Variants in RORA observed in about 807,000 individuals in gnomAD.
The protein encoded by RORA is RAR related orphan receptor A.
In RORA, 7 loss-of-function variants were observed where a neutral mutation model predicts 69.5. That is an observed-to-expected ratio of 0.10 (90% CI 0.06 to 0.19). The LOEUF (loss-of-function observed/expected upper bound fraction) is 0.19, where lower values mean the gene tolerates loss of function less well. Ranked by LOEUF, RORA falls within the 10% of genes least tolerant of loss-of-function variation. The pLI, the probability that RORA is intolerant of heterozygous loss-of-function variation, is 1.00. For synonymous variants in RORA, 261 were observed against 240.8 expected (o/e 1.08, Z -0.78); for missense variants, 457 against 663.0 (o/e 0.69, Z 3.41).
rs923781891 is a variant in RORA, at chr15:60,493,159, C to T, written c.*4296G>A. 9 of 152,030 alleles carry T rather than the reference C, an allele frequency of 5.9e-5. No homozygotes were observed. The highest frequency in any genetic ancestry group is 1.9e-4 in the African/African-American group (8 of 41,394). The allele number at this position is 152,030 out of a possible 1,614,324, so 9.4% of individuals were successfully genotyped here. On this transcript the variant is annotated 3_prime_UTR_variant, in exon 11 of 11. Transcript: ENST00000335670. The stretch of plus-strand genomic sequence containing the variant: ...TCAGAAAATAACTTTTTATTATTAT[C>T]TTAAAATAATAGCATTGGAAGGACA...
At chr15:60,646,897 G>A (rs1468810747) in intron 2 of RORA, among the ~76,000 whole-genome samples, 2 of 152,156 alleles carry the variant, frequency 1.3e-5, no homozygotes, top group African/African-American at 4.8e-5. Context: ...GGGTGGCTGC[G>A]GAGCTTAATT....
chr15:60,790,837 T>G (rs341443), intron 1 of RORA, among the ~76,000 whole-genome samples: 148 of 152,284 alleles, frequency 9.7e-4, no homozygotes, highest in African/African-American at 3.5e-3. Context: ...AATTTCACAA[T>G]TATGCATGCT....
intron 3 of RORA, 99 bp from the exon 4 acceptor site, chr15:60,514,856 T>C: frequency 2.3e-6 from 2 of 857,310 alleles, no homozygotes; most frequent in Non-Finnish European, 3.6e-6. Flanking sequence ...TAATATTTAA[T>C]GGAGAATTAA....
At chr15:61,017,570 T>TAAG (rs1895344610) in intron 1 of RORA, among the ~76,000 whole-genome samples, 1 of 152,080 alleles carries the variant, frequency 6.6e-6, no homozygotes, top group Non-Finnish European at 1.5e-5. Context: ...TTCCCTTCTC[T>TAAG]AAGTCTGAAC....
chr15:60,839,462 A>G (rs1020955494), intron 1 of RORA, among the ~76,000 whole-genome samples: 5 of 152,194 alleles, frequency 3.3e-5, no homozygotes, highest in Non-Finnish European at 2.9e-5. Context: ...CACCAACCTA[A>G]TATCTCCTAG....
chr15:61,059,216 G>A (rs990131342), intron 1 of RORA, among the ~76,000 whole-genome samples: 4 of 152,210 alleles, frequency 2.6e-5, no homozygotes, highest in African/African-American at 9.7e-5. Context: ...GAGCCTCAGG[G>A]GATGCCCCTA....
In RORA at chr15:60,643,304, C is replaced by CT. The variant is rs111713362; in HGVS notation, c.196+35352dup. On this transcript the variant is annotated intron_variant, in intron 2 of 10. Transcript: ENST00000335670. ...TCATGTGTGGAATATGATAAGTCTGCTATTGCTAATGACCTAGGCCCAGAG... is the reference window on the plus strand; with the variant it reads ...TCATGTGTGGAATATGATAAGTCTGCTTATTGCTAATGACCTAGGCCCAGAG... Among the ~76,000 whole-genome samples, 950 of 152,276 alleles carry CT rather than the reference C, an allele frequency of 6.2e-3. 4 individuals are homozygous for CT. Among genetic ancestry groups the CT allele is most frequent in the African/African-American group, 0.018 (767 of 41,548 alleles).
intron 1 of RORA, among the ~76,000 whole-genome samples, chr15:61,210,570 G>A (rs920140620): frequency 1.3e-5 from 2 of 152,114 alleles, no homozygotes; most frequent in Non-Finnish European, 2.9e-5. Flanking sequence ...CTCCTAATTT[G>A]TGTAAAGAAA....
intron 1 of RORA, among the ~76,000 whole-genome samples, chr15:60,990,216 A>G (rs1195435777): frequency 6.6e-6 from 1 of 152,212 alleles, no homozygotes; most frequent in African/African-American, 2.4e-5. Context: ...CAGAGGGCTT[A>G]ATGAGATAAT....
intron 2 of RORA, among the ~76,000 whole-genome samples, chr15:60,570,939 G>A (rs936661803): frequency 3.9e-5 from 6 of 152,158 alleles, no homozygotes; most frequent in African/African-American, 1.4e-4. Flanking sequence ...GATCCTACAT[G>A]TGCAATAAAG....
intron 1 of RORA, among the ~76,000 whole-genome samples, chr15:61,005,434 C>T (rs1046180532): frequency 2.0e-5 from 3 of 152,214 alleles, no homozygotes; most frequent in East Asian, 1.9e-4. Flanking sequence ...GAGCTGAGAC[C>T]GTGCCACTGT....
intron 1 of RORA, among the ~76,000 whole-genome samples, chr15:61,117,362 A>C (rs556594767): frequency 1.4e-4 from 21 of 152,282 alleles, no homozygotes; most frequent in Admixed American, 5.9e-4. Context: ...ACATTCACAG[A>C]CTTTTCTCCA....
At chr15:61,137,082 A>AGAAAGAAAGAAAGAAAGAAAGAAG (rs2079251286) in intron 1 of RORA, among the ~76,000 whole-genome samples, 1 of 149,390 alleles carries the variant, frequency 6.7e-6, no homozygotes, top group East Asian at 1.9e-4. Flanking sequence ...AAAGAAAGAA[A>AGAAAGAAAGAAAGAAAGAAAGAAG]GAAAGAAAGA....
At chr15:61,022,927 G>A (rs1349070561) in intron 1 of RORA, among the ~76,000 whole-genome samples, 7 of 152,094 alleles carry the variant, frequency 4.6e-5, no homozygotes, top group African/African-American at 1.4e-4. Context: ...GCCCACACCT[G>A]CAATCCCAGC....
intron 1 of RORA, among the ~76,000 whole-genome samples, chr15:61,074,544 A>C (rs2078418936): frequency 6.6e-6 from 1 of 152,218 alleles, no homozygotes; most frequent in South Asian, 2.1e-4. Flanking sequence ...TTGGCTTGAA[A>C]TTGATTCTGA....
chr15:60,979,280 T>C (rs112972560), intron 1 of RORA, among the ~76,000 whole-genome samples: 5 of 141,338 alleles, frequency 3.5e-5, no homozygotes, highest in Admixed American at 2.8e-4. Context: ...TTTTTTTTTT[T>C]TTTTTTTTTT....
intron 1 of RORA, among the ~76,000 whole-genome samples, chr15:60,908,411 C>G (rs1000076940): frequency 5.9e-5 from 9 of 152,152 alleles, no homozygotes; most frequent in Non-Finnish European, 4.4e-5. Context: ...TATTTTCCCC[C>G]CTCCATGGTA....
At chr15:60,827,953 T>C (rs1463941369) in intron 1 of RORA, among the ~76,000 whole-genome samples, 1 of 152,232 alleles carries the variant, frequency 6.6e-6, no homozygotes, top group Non-Finnish European at 1.5e-5. Context: ...GTGGTTGGCA[T>C]GTATTTGGTG....
chr15:61,042,498 T>G (rs555142200), intron 1 of RORA, among the ~76,000 whole-genome samples: 50 of 152,364 alleles, frequency 3.3e-4, no homozygotes, highest in Admixed American at 3.2e-3. Context: ...TTTCTAACAC[T>G]GTGTGAGCCC....
Sources: gnomAD v4.1 joint callset for allele counts (sites outside exome capture counted in the v4.1 genomes callset) on GRCh38, gnomAD v4.1.1 for gene constraint, MANE v1.5 for transcripts, NCBI Gene and HGNC (gene_info 2026-07-23, HGNC 2026-07-21) for gene names.